Variants in CLVS1 observed in about 807,000 individuals in gnomAD.
The protein encoded by CLVS1 is clavesin-1.
In CLVS1, 10 loss-of-function variants were observed where a neutral mutation model predicts 33.1. The observed-to-expected ratio is 0.30, with a 90% CI of 0.19 to 0.51. CLVS1 has a LOEUF of 0.51. Among genes scored for constraint, CLVS1 ranks in the 20% least tolerant of loss-of-function variants. The pLI, the probability that CLVS1 is intolerant of heterozygous loss-of-function variation, is 0.97. For missense variants in CLVS1, 343 were observed against 433.4 expected, an observed-to-expected ratio of 0.79 and a Z score of 1.85; for synonymous variants, 163 against 166.1, an observed-to-expected ratio of 0.98 and a Z score of 0.14.
chr8:61,423,098 G>T lies in CLVS1; in HGVS notation c.631-31043G>T, dbSNP rs749925121. The stretch of plus-strand genomic sequence containing the variant: ...GCATCTCAAAGCATTGTCAGAATGA[G>T]CCCAATGCACCTTGCACTGTCCCAC... On this transcript the variant is annotated intron_variant, in intron 3 of 5. Coordinates refer to ENST00000325897, the MANE Select transcript of CLVS1 (RefSeq NM_173519.3). Among the ~76,000 whole-genome samples the T allele has an allele frequency of 1.4e-4, 21 of 152,122 alleles. 1 individual carries two copies. Among genetic ancestry groups the T allele is most frequent in the Non-Finnish European group, 2.4e-4 (16 of 68,022 alleles).
At chr8:61,016,715 T>G in the CLVS1 span, among the ~76,000 whole-genome samples, 1 of 152,186 alleles carries the variant, frequency 6.6e-6, no homozygotes, top group East Asian at 1.9e-4. Flanking sequence ...CATTTGTGCA[T>G]GCAAGTGGTG....
At chr8:61,027,319 G>C in the CLVS1 span, among the ~76,000 whole-genome samples, 1 of 151,998 alleles carries the variant, frequency 6.6e-6, no homozygotes, top group African/African-American at 2.4e-5. Context: ...GTGTTATATT[G>C]TGTTTTATAC....
At chr8:61,243,573 G>T (rs6999272) in intron 2 of CLVS1, among the ~76,000 whole-genome samples, 23,172 of 152,032 alleles carry the variant, frequency 0.15, 3,670 homozygotes, top group East Asian at 0.68. Flanking sequence ...AGTAACTTCT[G>T]GTTAGTTTTT....
Position 61,499,847 on chromosome 8 carries a change from T to C in CLVS1, c.*305T>C. The C allele has an allele frequency of 4.6e-6, 1 of 218,748 alleles. No individual in the cohort carries two copies. Among genetic ancestry groups the C allele is most frequent in the Non-Finnish European group, 9.3e-6 (1 of 107,084 alleles). The allele number at this position is 218,748 out of a possible 1,614,324, so 13.6% of individuals were successfully genotyped here. On this transcript the variant is annotated 3_prime_UTR_variant, in exon 6 of 6. Transcript: ENST00000325897. ...TAAATTGAAAAAATAAAGACTAAAT[T>C]TGATGGACACACTGCATTAGGACAA...
chr8:61,004,942 T>TAAAACAAAAC, the CLVS1 span, among the ~76,000 whole-genome samples: 2 of 146,402 alleles, frequency 1.4e-5, no homozygotes, highest in Non-Finnish European at 1.5e-5. Context: ...GTTTTTTGTT[T>TAAAACAAAAC]AAAACAAAAC....
the CLVS1 span, among the ~76,000 whole-genome samples, chr8:60,995,622 G>A: frequency 1.3e-5 from 2 of 152,212 alleles, no homozygotes; most frequent in African/African-American, 2.4e-5. Flanking sequence ...CAGGGATCTA[G>A]AACTAGAAAT....
the CLVS1 span, among the ~76,000 whole-genome samples, chr8:61,029,745 C>T: frequency 2.0e-5 from 3 of 152,120 alleles, no homozygotes; most frequent in Non-Finnish European, 4.4e-5. Context: ...CTATCCCTCC[C>T]CTAGGAGAAA....
chr8:61,107,881 G>A (rs1805565569), intron 1 of CLVS1, among the ~76,000 whole-genome samples: 1 of 152,080 alleles, frequency 6.6e-6, no homozygotes, highest in South Asian at 2.1e-4. Context: ...ATGTTCTCTG[G>A]TTATTTATCA....
chr8:61,489,728 G>A (rs902445996), intron 5 of CLVS1, among the ~76,000 whole-genome samples: 6 of 152,166 alleles, frequency 3.9e-5, no homozygotes, highest in African/African-American at 1.4e-4. Flanking sequence ...TCCAAATAAA[G>A]TGTATATTGA....
the CLVS1 span, chr8:60,965,934 C>G: frequency 6.3e-6 from 1 of 158,794 alleles, no homozygotes; most frequent in Non-Finnish European, 1.4e-5. Context: ...GCCTCAGCCT[C>G]CAAAGTAACT....
chr8:61,417,851 A>G lies in CLVS1; in HGVS notation c.631-36290A>G, dbSNP rs56214786. On this transcript the variant is annotated intron_variant, in intron 3 of 5. Coordinates refer to ENST00000325897, the MANE Select transcript of CLVS1 (RefSeq NM_173519.3). ...CAGAAGGAGAAACCTTGAAAGGGTT[A>G]TAAAGACCTTGGTGTCTTCCACCTG... Among the ~76,000 whole-genome samples, 655 of 152,344 alleles carry G rather than the reference A, an allele frequency of 4.3e-3. 3 individuals are homozygous for G. Among genetic ancestry groups the G allele is most frequent in the African/African-American group, 0.015 (631 of 41,576 alleles).
At chr8:61,199,401 A>C (rs1428601111) in intron 2 of CLVS1, among the ~76,000 whole-genome samples, 2 of 152,218 alleles carry the variant, frequency 1.3e-5, no homozygotes, top group East Asian at 3.8e-4. Context: ...GAACTCAAAC[A>C]AATTAGAAAA....
In CLVS1 at chr8:61,393,206, G is replaced by A. The variant is rs552011782; in HGVS notation, c.630+16427G>A. On this transcript the variant is annotated intron_variant, in intron 3 of 5. Transcript: ENST00000325897. ...TGAATTCTATTGTTGAAACTTTCGAGTGTATTTTGTATTTCTCTAAGTATG... is the reference window on the plus strand; with the variant it reads ...TGAATTCTATTGTTGAAACTTTCGAATGTATTTTGTATTTCTCTAAGTATG... Among the ~76,000 whole-genome samples, 10 of 152,130 alleles carry A rather than the reference G, an allele frequency of 6.6e-5. No individual in the cohort carries two copies. In the East Asian group the frequency reaches 1.9e-3, roughly 30 times the overall value.
chr8:61,479,669 G>A (rs1453587390), intron 5 of CLVS1, among the ~76,000 whole-genome samples: 1 of 152,156 alleles, frequency 6.6e-6, no homozygotes, highest in Non-Finnish European at 1.5e-5. Context: ...GTGATTTTTA[G>A]AGTTTCCGGT....
intron 1 of CLVS1, among the ~76,000 whole-genome samples, chr8:61,126,489 T>C (rs1172670948): frequency 6.6e-6 from 1 of 152,234 alleles, no homozygotes. Context: ...AGTATATACA[T>C]TATTGTTTCA....
At chr8:61,222,931 C>CTT (rs35852094) in intron 2 of CLVS1, among the ~76,000 whole-genome samples, 2 of 134,978 alleles carry the variant, frequency 1.5e-5, no homozygotes, top group Non-Finnish European at 3.2e-5. Flanking sequence ...CCTTTTTTGT[C>CTT]TTTTTTTTTT....
the CLVS1 span, among the ~76,000 whole-genome samples, chr8:61,047,039 G>A: frequency 2.0e-5 from 3 of 152,148 alleles, no homozygotes; most frequent in Non-Finnish European, 2.9e-5. Flanking sequence ...GAATAGGAGT[G>A]GTGAGAGAGG....
intron 2 of CLVS1, among the ~76,000 whole-genome samples, chr8:61,198,303 C>T (rs6984600): frequency 0.76 from 115,821 of 152,102 alleles, 44,966 homozygotes; most frequent in Middle Eastern, 0.9. Flanking sequence ...TTTGATTACA[C>T]GGATGAATTG....
chr8:61,225,761 A>G (rs139628044), intron 2 of CLVS1, among the ~76,000 whole-genome samples: 1 of 152,246 alleles, frequency 6.6e-6, no homozygotes, highest in Non-Finnish European at 1.5e-5. Context: ...CACAATGTAC[A>G]ATGGTCTGAG....
Sources: allele counts gnomAD v4.1 joint callset (sites outside exome capture counted in the v4.1 genomes callset), GRCh38; gene constraint gnomAD v4.1.1; transcripts MANE v1.5; gene names NCBI Gene and HGNC (gene_info 2026-07-23, HGNC 2026-07-21).